PTPRE: variants seen among roughly 807,000 people sequenced by gnomAD.
PTPRE encodes the protein receptor-type tyrosine-protein phosphatase epsilon.
Under a neutral mutation model 102.0 loss-of-function variants are expected in PTPRE, and 51 were observed. The ratio of observed to expected loss-of-function variants is 0.50; its 90% CI spans 0.40 to 0.63. The LOEUF is 0.63. Ranked by LOEUF, PTPRE falls within the 30% of genes least tolerant of loss-of-function variation. The pLI is 0.00. For missense variants in PTPRE, 752 were observed against 915.1 expected, an observed-to-expected ratio of 0.82 and a Z score of 2.30; for synonymous variants, 345 against 348.2, an observed-to-expected ratio of 0.99 and a Z score of 0.10.
chr10:127,966,686 A>G (rs11595802), intron 1 of PTPRE, among the ~76,000 whole-genome samples: 70 of 152,276 alleles, frequency 4.6e-4, no homozygotes, highest in Non-Finnish European at 9.3e-4. Context: ...CATTTTGTAA[A>G]TAGAAAACCC....
Position 128,066,057 on chromosome 10 carries a change from T to A in PTPRE, c.724-18T>A, listed in dbSNP as rs766827538. On this transcript the variant is annotated intron_variant, in intron 10 of 20. Transcript: ENST00000254667. ...GCACCCACAGATCTATTTGCTTCTATTAAATTGTTCCGTGCAGGAAAAGTG... is the reference window on the plus strand; with the variant it reads ...GCACCCACAGATCTATTTGCTTCTAATAAATTGTTCCGTGCAGGAAAAGTG... The A allele has an allele frequency of 6.2e-7, 1 of 1,614,158 alleles. No individual in the cohort carries two copies. The highest frequency in any genetic ancestry group is 8.5e-7 in the Non-Finnish European group (1 of 1,180,022).
intron 11 of PTPRE, 76 bp from the exon 12 acceptor site, chr10:128,068,047 C>T (rs972568335): frequency 1.9e-5 from 29 of 1,506,130 alleles, no homozygotes; most frequent in Middle Eastern, 2.4e-4. Flanking sequence ...CCCACGGCGG[C>T]GTCCTCAGAA....
At chr10:128,056,098 A>G (rs1411053509) in intron 6 of PTPRE, 25 bp from the exon 7 acceptor site, 1 of 1,547,070 alleles carries the variant, frequency 6.5e-7, no homozygotes, top group East Asian at 2.2e-5. Context: ...ATCACATTTC[A>G]TACTAATGCT....
intron 2 of PTPRE, among the ~76,000 whole-genome samples, chr10:128,026,650 T>G (rs1190690057): frequency 6.6e-6 from 1 of 152,224 alleles, no homozygotes; most frequent in Non-Finnish European, 1.5e-5. Flanking sequence ...CTTTTAGTAG[T>G]GTTTCAGTGA....
At chr10:127,975,261 C>T (rs1048218956) in intron 1 of PTPRE, among the ~76,000 whole-genome samples, 1 of 152,206 alleles carries the variant, frequency 6.6e-6, no homozygotes, top group South Asian at 2.1e-4. Flanking sequence ...CGACTTGATG[C>T]TCTTCCTGTG....
rs1481144820 is a variant in PTPRE at position 128,031,038 on chromosome 10, A to C, written c.-7-9837A>C. On this transcript the variant is annotated intron_variant, in intron 2 of 20. Transcript: ENST00000254667. The stretch of plus-strand genomic sequence containing the variant: ...AGTGGGGAGGTGGGAGGAGGGGCCA[A>C]GGGCAGTGTTGGTCTTGTTTAGTTG... Among the ~76,000 whole-genome samples, 3 of 152,226 alleles carry C rather than the reference A, an allele frequency of 2.0e-5. No homozygotes were observed. The East Asian group carries it at 5.8e-4, about 29-fold the overall frequency.
chr10:128,010,529 A>G (rs1481832607), intron 2 of PTPRE, among the ~76,000 whole-genome samples: 1 of 121,002 alleles, frequency 8.3e-6, no homozygotes, highest in African/African-American at 3.3e-5. Context: ...CCCAGCCACA[A>G]CCGTCAAACC....
chr10:128,053,407 G>A (rs1323719662), intron 6 of PTPRE, among the ~76,000 whole-genome samples: 4 of 152,138 alleles, frequency 2.6e-5, no homozygotes, highest in Non-Finnish European at 5.9e-5. Context: ...GACACTGCAG[G>A]GCTCATCCAG....
rs148235827 is a variant in PTPRE at position 127,936,475 on chromosome 10, G to A, written c.-31+29166G>A. On this transcript the variant is annotated intron_variant, in intron 1 of 20. Transcript: ENST00000254667. ...ATGTCTGGGCTTGCCTGGACCGCTGGTCCTTGCCTTTCTTTCTGACACAGA... is the reference window on the plus strand; with the variant it reads ...ATGTCTGGGCTTGCCTGGACCGCTGATCCTTGCCTTTCTTTCTGACACAGA... Among the ~76,000 whole-genome samples, 41 of 152,276 alleles carry A rather than the reference G, an allele frequency of 2.7e-4. 2 individuals carry two copies. Among genetic ancestry groups the A allele is most frequent in the African/African-American group, 9.9e-4 (41 of 41,556 alleles).
rs115689154 is a variant in PTPRE, at chr10:128,080,901, C to A, written c.2028+1206C>A. Among the ~76,000 whole-genome samples the A allele has an allele frequency of 7.1e-3, 1,081 of 152,304 alleles. 13 individuals are homozygous for A. The highest frequency in any genetic ancestry group is 0.025 in the African/African-American group (1,051 of 41,554). On this transcript the variant is annotated intron_variant, in intron 20 of 20. Coordinates refer to ENST00000254667, the MANE Select transcript of PTPRE (RefSeq NM_006504.6). ...CACTAAATAACCATCAGGCGTTGGG[C>A]GCAGTGCAACCAGGTGCCTTACAGA...
At chr10:128,006,714 T>C (rs1219203188) in intron 2 of PTPRE, among the ~76,000 whole-genome samples, 1 of 152,066 alleles carries the variant, frequency 6.6e-6, no homozygotes, top group Non-Finnish European at 1.5e-5. Flanking sequence ...TTTGGGGGGA[T>C]AAAAGAATAG....
chr10:128,061,809 G>C, intron 9 of PTPRE, 94 bp downstream of exon 9: 1 of 1,434,490 alleles, frequency 7.0e-7, no homozygotes, highest in African/African-American at 1.4e-5. Context: ...GACTTATACT[G>C]GATTTGTGTG....
intron 7 of PTPRE, among the ~76,000 whole-genome samples, chr10:128,060,546 A>G (rs561066679): frequency 6.6e-6 from 1 of 152,192 alleles, no homozygotes; most frequent in African/African-American, 2.4e-5. Flanking sequence ...TTTTAAGTGC[A>G]CCCACACTTG....
intron 2 of PTPRE, among the ~76,000 whole-genome samples, chr10:127,988,585 A>C (rs112685651): frequency 8.7e-4 from 132 of 152,198 alleles, no homozygotes; most frequent in African/African-American, 2.5e-3. Context: ...GATTACAGGC[A>C]TGAGCCACCC....
chr10:128,061,243 A>G (rs1350836303), intron 8 of PTPRE, among the ~76,000 whole-genome samples: 1 of 152,252 alleles, frequency 6.6e-6, no homozygotes, highest in Non-Finnish European at 1.5e-5. Flanking sequence ...AGCATTATGT[A>G]TATTCCTGAC....
chr10:128,022,681 A>G (rs1383393640), intron 2 of PTPRE, among the ~76,000 whole-genome samples: 2 of 152,178 alleles, frequency 1.3e-5, no homozygotes, highest in East Asian at 3.9e-4. Flanking sequence ...CAGAGAGAAA[A>G]GCAGACAGGG....
intron 20 of PTPRE, among the ~76,000 whole-genome samples, chr10:128,080,647 C>T (rs1164624236): frequency 1.3e-5 from 2 of 152,200 alleles, no homozygotes; most frequent in African/African-American, 4.8e-5. Flanking sequence ...CAGGTGTCCT[C>T]CCGTCTCAGC....
intron 2 of PTPRE, among the ~76,000 whole-genome samples, chr10:127,990,637 G>A (rs1372953913): frequency 1.3e-5 from 2 of 152,084 alleles, no homozygotes; most frequent in South Asian, 2.1e-4. Context: ...TGCATGTGTC[G>A]GCCATGACGG....
chr10:128,041,825 G>GGTAA (rs1435999235), intron 3 of PTPRE, among the ~76,000 whole-genome samples: 2 of 152,066 alleles, frequency 1.3e-5, no homozygotes, highest in African/African-American at 4.8e-5. Context: ...AGGGAAGTGG[G>GGTAA]GGTGGGGGCT....
Sources: gnomAD v4.1 joint callset for allele counts (sites outside exome capture counted in the v4.1 genomes callset) on GRCh38, gnomAD v4.1.1 for gene constraint, MANE v1.5 for transcripts, NCBI Gene and HGNC (gene_info 2026-07-23, HGNC 2026-07-21) for gene names.